ZNF330: variants seen among roughly 807,000 people sequenced by gnomAD.
ZNF330 encodes zinc finger protein 330.
In ZNF330, 31 loss-of-function variants were observed where a neutral mutation model predicts 45.5. That is an observed-to-expected ratio of 0.68 (90% CI 0.51 to 0.92). The LOEUF is 0.92. Ranked by LOEUF, ZNF330 falls within the 40% of genes least tolerant of loss-of-function variation. ZNF330 has a pLI of 0.00. For synonymous variants in ZNF330, 138 were observed against 123.2 expected (o/e 1.12, Z -0.79); for missense variants, 356 against 387.4 (o/e 0.92, Z 0.68).
chr4:141,220,946 C>T lies in ZNF330; in HGVS notation c.-169C>T, dbSNP rs1165488288. 1 of 152,288 alleles carries T rather than the reference C, an allele frequency of 6.6e-6. No homozygotes were observed. The highest frequency in any genetic ancestry group is 1.5e-5 in the Non-Finnish European group (1 of 68,080). The allele number at this position is 152,288 out of a possible 1,614,324, so 9.4% of individuals were successfully genotyped here. On this transcript the variant is annotated 5_prime_UTR_variant, in exon 1 of 10. Coordinates refer to ENST00000262990, the MANE Select transcript of ZNF330 (RefSeq NM_014487.6). ...TCTCCTAGTGTCCGGAATCGGCTGT[C>T]AGCCTCCCTGGCTGTTAGTACCTTC...
At chr4:141,221,910 C>A (rs907552121) in intron 1 of ZNF330, among the ~76,000 whole-genome samples, 1 of 152,126 alleles carries the variant, frequency 6.6e-6, no homozygotes, top group African/African-American at 2.4e-5. Context: ...AAAAATTAAA[C>A]TTGTTATACT....
At position 141,233,879 on chromosome 4, in the gene ZNF330, G is replaced by A; in HGVS notation, c.853G>A (p.Asp285Asn). 2.5e-6 allele frequency: 4 copies of A among 1,613,758 alleles called. No individual in the cohort carries two copies. The highest frequency in any genetic ancestry group is 3.4e-6 in the Non-Finnish European group (4 of 1,179,790). Residue 285 changes from aspartate (D) to asparagine (N), a missense_variant, in exon 10 of 10, where the codon GAT (aspartate) becomes AAT (asparagine). Coordinates refer to ENST00000262990, the MANE Select transcript of ZNF330 (RefSeq NM_014487.6). ...YEAEDDEEEE[D>N]EGRKDSDTES... ...AGCAGAGGATGATGAAGAGGAAGAA[G>A]ATGAAGGCAGAAAGGATTCAGATAC...
chr4:141,227,139 TTA>T (rs1728826388), intron 5 of ZNF330, among the ~76,000 whole-genome samples: 1 of 151,558 alleles, frequency 6.6e-6, no homozygotes, highest in Non-Finnish European at 1.5e-5. Context: ...AATTTTATTA[TTA>T]TTATTATACT....
At chr4:141,232,857 T>C (rs1333077067) in intron 9 of ZNF330, among the ~76,000 whole-genome samples, 1 of 152,122 alleles carries the variant, frequency 6.6e-6, no homozygotes, top group Non-Finnish European at 1.5e-5. Flanking sequence ...TGATATTTGG[T>C]ATTTGCCTTA....
At chr4:141,223,195 A>G (rs560529749) in intron 2 of ZNF330, among the ~76,000 whole-genome samples, 1 of 152,350 alleles carries the variant, frequency 6.6e-6, no homozygotes, top group South Asian at 2.1e-4. Flanking sequence ...GTAGTGATAC[A>G]TAGATGAATT....
chr4:141,232,735 T>G (rs1259690463), intron 9 of ZNF330, 93 bp downstream of exon 9: 6 of 594,872 alleles, frequency 1.0e-5, no homozygotes, highest in African/African-American at 1.9e-5. Flanking sequence ...TCTTATTGCC[T>G]CTTCTTATTT....
In ZNF330 at chr4:141,224,485, A is replaced by C; in HGVS notation, c.121-2A>C. On this transcript the variant is annotated splice_acceptor_variant, in intron 2 of 9. Transcript: ENST00000262990. LOFTEE classifies it high-confidence loss of function. ...TTAATGTGATATTTTTATATGTTAC[A>C]GGAATGTGACAAGTGTCAGAGGTAA... is the stretch of plus-strand genomic sequence containing the variant. 6.2e-7 allele frequency: 1 copy of C among 1,606,286 alleles called. No individual in the cohort carries two copies. The highest frequency in any genetic ancestry group is 8.5e-7 in the Non-Finnish European group (1 of 1,174,890).
At position 141,224,614 on chromosome 4, in the gene ZNF330, A is replaced by C; in HGVS notation, c.148A>C (p.Lys50Gln). 1 of 1,613,646 alleles carries C rather than the reference A, an allele frequency of 6.2e-7. No homozygotes were observed. The highest frequency in any genetic ancestry group is 8.5e-7 in the Non-Finnish European group (1 of 1,179,698). Residue 50 changes from lysine to glutamine, a missense_variant, in exon 4 of 10, where the codon AAG becomes CAG. Lys to Gln is a moderately conservative substitution (Grantham distance 53). Coordinates refer to ENST00000262990, the MANE Select transcript of ZNF330 (RefSeq NM_014487.6). Reference sequence around the variant, plus strand: ...TTTATTTTACATGACAAGGCGGCAGAAGAATAGAGCATTTTGCTACTTTTG... The same window carrying C: ...TTTATTTTACATGACAAGGCGGCAGCAGAATAGAGCATTTTGCTACTTTTG... ...MECDKCQRRQ[K>Q]NRAFCYFCNS...
chr4:141,231,946 G>A (rs1032005335), intron 8 of ZNF330, among the ~76,000 whole-genome samples: 1 of 152,032 alleles, frequency 6.6e-6, no homozygotes, highest in African/African-American at 2.4e-5. Flanking sequence ...CTAACCCTAT[G>A]TCTTATTTAT....
In ZNF330 at chr4:141,226,819, T is replaced by G. The variant is rs756864297; in HGVS notation, c.264T>G (p.Gly88=). 1.9e-6 allele frequency: 3 copies of G among 1,613,116 alleles called. No homozygotes were observed. In the East Asian group the frequency reaches 6.7e-5, roughly 36 times the overall value. Residue 88 remains glycine, a synonymous_variant, in exon 5 of 10, where the codon GGT becomes GGG. Coordinates refer to ENST00000262990, the MANE Select transcript of ZNF330 (RefSeq NM_014487.6). The stretch of plus-strand genomic sequence containing the variant: ...CAGACTGTGTCATAAAGCATGCTGG[T>G]GTATACAGTACTGGCCTTGCAATGG... The part of the protein sequence containing the change: ...KSSDCVIKHA[G]VYSTGLAMVG...
At chr4:141,227,075 T>C (rs529163988) in intron 5 of ZNF330, among the ~76,000 whole-genome samples, 1 of 152,032 alleles carries the variant, frequency 6.6e-6, no homozygotes, top group Non-Finnish European at 1.5e-5. Context: ...CATGGAAACT[T>C]TTCATGCTGA....
intron 5 of ZNF330, among the ~76,000 whole-genome samples, chr4:141,227,999 ATT>A (rs1369953177): frequency 2.0e-5 from 3 of 152,084 alleles, no homozygotes; most frequent in African/African-American, 7.2e-5. Context: ...TTCAAATAAA[ATT>A]TTGTTCAAAT....
rs1181647697 is a variant in ZNF330, at chr4:141,234,436, A to G, written c.*447A>G. 6.5e-6 allele frequency: 1 copy of G among 153,624 alleles called. No homozygotes were observed. Among genetic ancestry groups the G allele is most frequent in the Non-Finnish European group, 1.4e-5 (1 of 68,992 alleles). The allele number at this position is 153,624 out of a possible 1,614,324, so 9.5% of individuals were successfully genotyped here. On this transcript the variant is annotated 3_prime_UTR_variant, in exon 10 of 10. Coordinates refer to ENST00000262990, the MANE Select transcript of ZNF330 (RefSeq NM_014487.6). ...CTTTTATGTCCACAGAATGAGAGTC[A>G]TATGTTGTTATATTCTAAATTTTCA...
At chr4:141,220,674 C>T (rs969994435), upstream of ZNF330, among the ~76,000 whole-genome samples, 2 of 152,254 alleles carry the variant, frequency 1.3e-5, no homozygotes, top group Non-Finnish European at 1.5e-5. Context: ...GTTCATTTTC[C>T]TCTTCCTTTT....
intron 5 of ZNF330, among the ~76,000 whole-genome samples, chr4:141,227,062 A>G (rs1728823172): frequency 6.6e-6 from 1 of 150,836 alleles, no homozygotes; most frequent in South Asian, 2.1e-4. Context: ...GGAACATACA[A>G]GGCATGGAAA....
intron 9 of ZNF330, among the ~76,000 whole-genome samples, 179 bp from the exon 10 acceptor site, chr4:141,233,534 CTG>C (rs1270690695): frequency 1.3e-5 from 2 of 151,988 alleles, no homozygotes; most frequent in African/African-American, 4.8e-5. Flanking sequence ...TGAAATTACA[CTG>C]TAATTTTTAT....
At chr4:141,230,112 T>G in intron 6 of ZNF330, 54 bp from the exon 7 acceptor site, 1 of 1,320,766 alleles carries the variant, frequency 7.6e-7, no homozygotes, top group Non-Finnish European at 1.1e-6. Context: ...TAGATATGAG[T>G]TTTTTTAAAT....
intron 1 of ZNF330, among the ~76,000 whole-genome samples, chr4:141,222,083 T>C (rs1225592399): frequency 6.6e-6 from 1 of 152,196 alleles, no homozygotes; most frequent in Non-Finnish European, 1.5e-5. Context: ...GAAACTTTTT[T>C]CTTAGTGGGA....
chr4:141,229,655 G>A lies in ZNF330; in HGVS notation c.376G>A (p.Asp126Asn), dbSNP rs867838008. ...ACATGCTTGTGCCTGCCCTCTTACC[G>A]ATGCTGAGTGTGTTGAATGTGAACG... Reference protein sequence around the residue: ...STHACACPLTDAECVECERGV... With the variant: ...STHACACPLTNAECVECERGV... Residue 126 changes from aspartate (D) to asparagine (N), a missense_variant, in exon 6 of 10, where the codon GAT becomes AAT. Coordinates refer to ENST00000262990, the MANE Select transcript of ZNF330 (RefSeq NM_014487.6). 8.7e-6 allele frequency: 14 copies of A among 1,613,028 alleles called. No individual in the cohort carries two copies. Among genetic ancestry groups the A allele is most frequent in the South Asian group, 3.3e-5 (3 of 91,070 alleles).
Sources: gnomAD v4.1 joint callset for allele counts (sites outside exome capture counted in the v4.1 genomes callset) on GRCh38, gnomAD v4.1.1 for gene constraint, MANE v1.5 for transcripts, NCBI Gene and HGNC (gene_info 2026-07-23, HGNC 2026-07-21) for gene names.